Variants in HMCN1 observed in about 807,000 individuals in gnomAD.
HMCN1 encodes the protein hemicentin 1.
HMCN1 carries 321 observed loss-of-function variants against 625.9 expected under a neutral mutation model. That is an observed-to-expected ratio of 0.51 (90% CI 0.47 to 0.56). The LOEUF (loss-of-function observed/expected upper bound fraction) is 0.56. Among genes scored for constraint, HMCN1 ranks in the 20% least tolerant of loss-of-function variants. The pLI, the probability that HMCN1 is intolerant of heterozygous loss-of-function variation, is 0.00. For missense variants in HMCN1, 6,588 were observed against 6,887.3 expected (o/e 0.96, Z 1.54); for synonymous variants, 2,425 against 2,417.6 (o/e 1.00, Z -0.09).
At chr1:185,968,280 C>T (rs1650564163) in intron 14 of HMCN1, among the ~76,000 whole-genome samples, 1 of 152,020 alleles carries the variant, frequency 6.6e-6, no homozygotes, top group South Asian at 2.1e-4. Flanking sequence ...CAAATATGAG[C>T]ATTCAGCTGT....
intron 1 of HMCN1, among the ~76,000 whole-genome samples, chr1:185,814,835 G>A (rs1659746712): frequency 6.7e-6 from 1 of 149,470 alleles, no homozygotes; most frequent in African/African-American, 2.6e-5. Flanking sequence ...GGGACTACAG[G>A]CACACATCAC....
In HMCN1 at chr1:186,111,645, T is replaced by C. The variant is rs370212936; in HGVS notation, c.10990-1167T>C. ...GGTGACAGAATAAGAATCTGTCTCTTAAGAAAAAAAGAATCACTCTGAAAG... is the reference window on the plus strand; with the variant it reads ...GGTGACAGAATAAGAATCTGTCTCTCAAGAAAAAAAGAATCACTCTGAAAG... On this transcript the variant is annotated intron_variant, in intron 71 of 106. Transcript: ENST00000271588. Among the ~76,000 whole-genome samples, 33 of 152,078 alleles carry C rather than the reference T, an allele frequency of 2.2e-4. No individual in the cohort carries two copies. The East Asian group carries it at 6.2e-3, about 28-fold the overall frequency.
intron 36 of HMCN1, among the ~76,000 whole-genome samples, chr1:186,035,445 A>T (rs966829512): frequency 1.3e-5 from 2 of 151,930 alleles, no homozygotes; most frequent in Non-Finnish European, 2.9e-5. Context: ...TATTTTTATT[A>T]TTTATTTCTA....
chr1:185,857,084 T>C (rs990771845), intron 2 of HMCN1, among the ~76,000 whole-genome samples: 1 of 152,248 alleles, frequency 6.6e-6, no homozygotes, highest in Non-Finnish European at 1.5e-5. Context: ...TTTCTATTCA[T>C]TCTTATTTAA....
intron 1 of HMCN1, among the ~76,000 whole-genome samples, chr1:185,806,330 G>C (rs1429877620): frequency 6.6e-6 from 1 of 151,914 alleles, no homozygotes; most frequent in African/African-American, 2.4e-5. Flanking sequence ...CAATATGTAG[G>C]GAGTGCTTTT....
intron 1 of HMCN1, among the ~76,000 whole-genome samples, chr1:185,823,735 T>C (rs547033494): frequency 1.8e-4 from 27 of 152,320 alleles, no homozygotes; most frequent in Middle Eastern, 6.8e-3. Flanking sequence ...CCTGTGTGTC[T>C]TTCCTTATTT....
Position 185,928,912 on chromosome 1 carries a change from A to G in HMCN1, c.1552+245A>G, listed in dbSNP as rs573845824. Among the ~76,000 whole-genome samples the G allele has an allele frequency of 6.6e-5, 10 of 152,296 alleles. No individual in the cohort carries two copies. The South Asian group carries it at 2.1e-3, about 32-fold the overall frequency. On this transcript the variant is annotated intron_variant, in intron 10 of 106. Coordinates refer to ENST00000271588, the MANE Select transcript of HMCN1 (RefSeq NM_031935.3). ...TAACTGTAAAAGAAAGCATAATAAC[A>G]AGAACCGTCTCATGGGGAAACTGTG...
chr1:186,067,986 C>T lies in HMCN1; in HGVS notation c.7858C>T (p.Arg2620Ter), dbSNP rs779370019. Residue 2620 changes from arginine to a stop codon, truncating the protein, a stop_gained, in exon 50 of 107, where the codon CGA (arginine) becomes TGA (stop). Coordinates refer to ENST00000271588, the MANE Select transcript of HMCN1 (RefSeq NM_031935.3). LOFTEE classifies it high-confidence loss of function. ...GGATGGCACTCCTTTAGAATCTAAC[C>T]GAAATATTCGTATTCTTCCAGGTAA... is the stretch of plus-strand genomic sequence containing the variant. ...FKDGTPLESN[R>*]NIRILPGGRT... The T allele has an allele frequency of 6.8e-6, 11 of 1,613,432 alleles. No individual in the cohort carries two copies. Among genetic ancestry groups the T allele is most frequent in the South Asian group, 1.1e-5 (1 of 91,038 alleles).
rs764698262 is a variant in HMCN1 at position 186,136,948 on chromosome 1, T to C, written c.13582+11T>C. 104 of 1,612,408 alleles carry C rather than the reference T, an allele frequency of 6.4e-5. No homozygotes were observed. Among genetic ancestry groups the C allele is most frequent in the Middle Eastern group, 1.6e-4 (1 of 6,076 alleles). Reference sequence around the variant, plus strand: ...CAGTCATAGTCCAGGGTGAGTGTGATCAGAGGAATATTCATAGTAAACAGT... The same window carrying C: ...CAGTCATAGTCCAGGGTGAGTGTGACCAGAGGAATATTCATAGTAAACAGT... On this transcript the variant is annotated intron_variant, in intron 87 of 106. Transcript: ENST00000271588.
intron 100 of HMCN1, among the ~76,000 whole-genome samples, chr1:186,169,396 C>T (rs1652081046): frequency 6.6e-6 from 1 of 152,100 alleles, no homozygotes; most frequent in Non-Finnish European, 1.5e-5. Context: ...CAATCCTAAG[C>T]AAAAAGAACA....
At chr1:186,082,467 G>A (rs1197182331) in intron 56 of HMCN1, among the ~76,000 whole-genome samples, 1 of 152,170 alleles carries the variant, frequency 6.6e-6, no homozygotes, top group Non-Finnish European at 1.5e-5. Context: ...GTGAGCACGA[G>A]TGAACAGGCT....
Position 186,190,171 on chromosome 1 carries a change from A to G in HMCN1, c.*293A>G. 2.4e-6 allele frequency: 1 copy of G among 423,062 alleles called. No homozygotes were observed. The highest frequency in any genetic ancestry group is 3.8e-5 in the Admixed American group (1 of 26,088). 26.2% of individuals were successfully genotyped at this position (423,062 alleles called of 1,614,324 possible). ...ACAGGACATATCAGTGATGGTTTAC[A>G]GTAGTGTAGTACCTAAGATCATTTT... On this transcript the variant is annotated 3_prime_UTR_variant, in exon 107 of 107. Transcript: ENST00000271588.
intron 16 of HMCN1, among the ~76,000 whole-genome samples, chr1:185,980,344 C>A (rs182402593): frequency 8.5e-5 from 13 of 152,230 alleles, no homozygotes; most frequent in Non-Finnish European, 1.3e-4. Flanking sequence ...AGATGATGTG[C>A]AATTATTACT....
intron 4 of HMCN1, among the ~76,000 whole-genome samples, chr1:185,907,927 CATT>C (rs146484445): frequency 0.071 from 10,762 of 151,742 alleles, 1,328 homozygotes; most frequent in African/African-American, 0.25. Context: ...ATTTCATTGA[CATT>C]AGTATATACC....
intron 1 of HMCN1, among the ~76,000 whole-genome samples, chr1:185,748,991 T>G (rs1305373800): frequency 6.6e-6 from 1 of 152,214 alleles, no homozygotes; most frequent in Non-Finnish European, 1.5e-5. Flanking sequence ...TGTGTACTGA[T>G]AAATGTTAAA....
In HMCN1 at chr1:186,189,654, G is replaced by C; in HGVS notation, c.16684G>C (p.Val5562Leu). 1.2e-6 allele frequency: 2 copies of C among 1,612,264 alleles called. No homozygotes were observed. The highest frequency in any genetic ancestry group is 2.2e-5 in the South Asian group (2 of 90,862). ...GCTGGTTGCATACACACAGGATGGA[G>C]TGATGCATCCCAGGACAACTTTCCT... ...IRLVAYTQDG[V>L]MHPRTTFLMV... Residue 5562 changes from valine to leucine, a missense_variant, in exon 107 of 107, where the codon GTG (valine) becomes CTG (leucine). Val to Leu is a conservative substitution (Grantham distance 32). Coordinates refer to ENST00000271588, the MANE Select transcript of HMCN1 (RefSeq NM_031935.3).
chr1:185,751,900 A>G (rs1454505683), intron 1 of HMCN1, among the ~76,000 whole-genome samples: 2 of 150,688 alleles, frequency 1.3e-5, no homozygotes, highest in Non-Finnish European at 3.0e-5. Context: ...ATATTTTTCT[A>G]TTATTTCTAC....
chr1:185,831,266 CAT>C (rs1477395539), intron 1 of HMCN1, among the ~76,000 whole-genome samples: 1 of 151,954 alleles, frequency 6.6e-6, no homozygotes, highest in Admixed American at 6.6e-5. Flanking sequence ...AAATTATTAA[CAT>C]ATCTAAGGGA....
intron 86 of HMCN1, among the ~76,000 whole-genome samples, chr1:186,134,942 C>T (rs533333494): frequency 2.0e-5 from 3 of 152,286 alleles, no homozygotes; most frequent in African/African-American, 7.2e-5. Context: ...ACCCTGTATG[C>T]TGTTACTCTT....
Sources: allele counts gnomAD v4.1 joint callset (sites outside exome capture counted in the v4.1 genomes callset), GRCh38; gene constraint gnomAD v4.1.1; transcripts MANE v1.5; gene names NCBI Gene and HGNC (gene_info 2026-07-23, HGNC 2026-07-21).